The following KCNQ4 variants were observed in gnomAD, a reference collection of about 807,000 sequenced individuals.
The protein encoded by KCNQ4 is potassium voltage-gated channel subfamily Q member 4.
Under a neutral mutation model 72.6 loss-of-function variants are expected in KCNQ4, and 31 were observed. The observed-to-expected ratio is 0.43, with a 90% CI of 0.32 to 0.58. The LOEUF (loss-of-function observed/expected upper bound fraction) is 0.58, where lower values mean the gene tolerates loss of function less well. Ranked by LOEUF, KCNQ4 falls within the 20% of genes least tolerant of loss-of-function variation. KCNQ4 has a pLI of 0.08. For missense variants in KCNQ4, 869 were observed against 962.6 expected (o/e 0.90, Z 1.29); for synonymous variants, 405 against 403.7 (o/e 1.00, Z -0.04).
chr1:40,809,897 T>C (rs1209690943), intron 1 of KCNQ4, among the ~76,000 whole-genome samples: 3 of 152,024 alleles, frequency 2.0e-5, no homozygotes, highest in Admixed American at 6.6e-5. Context: ...AAACCCCGTC[T>C]CTACTAAAAA....
At chr1:40,835,150 G>A (rs780280016) in intron 12 of KCNQ4, 52 bp downstream of exon 12, 1 of 1,595,286 alleles carries the variant, frequency 6.3e-7, no homozygotes, top group South Asian at 1.1e-5. Context: ...AGCGACCCCA[G>A]CCCTGAATGA....
intron 7 of KCNQ4, among the ~76,000 whole-genome samples, chr1:40,821,695 C>T (rs1648298987): frequency 6.6e-6 from 1 of 152,186 alleles, no homozygotes; most frequent in Non-Finnish European, 1.5e-5. Context: ...TTGCAAAGCA[C>T]CCACATGTGC....
intron 12 of KCNQ4, among the ~76,000 whole-genome samples, chr1:40,835,604 C>T (rs138540245): frequency 2.0e-4 from 30 of 152,272 alleles, no homozygotes; most frequent in Non-Finnish European, 3.2e-4. Context: ...TTTAATCACT[C>T]GAGAAATAGT....
Position 40,784,173 on chromosome 1 carries a change from C to G in KCNQ4, c.80C>G (p.Thr27Arg), listed in dbSNP as rs1001249688. The change falls in exon 1 of 14, where the codon ACG (threonine) becomes AGG (arginine). Residue 27 changes from threonine to arginine, a missense_variant. Thr to Arg is a moderately conservative substitution (Grantham distance 71). This residue lies in a region of KCNQ4 where 178 missense variants were observed against 145.3 expected (regional missense o/e 1.22). Transcript: ENST00000347132. The surrounding 1 kb of genome is among the most constrained non-coding windows in gnomAD (Gnocchi z 4.1). ...CCCCGCGCGGAGCTAGTGGCGCTCA[C>G]GGCCGTGCAGAGCGAACAGGGCGAG... ...DAPRAELVAL[T>R]AVQSEQGEAG... 2.3e-5 allele frequency: 26 copies of G among 1,116,506 alleles called. No individual in the cohort carries two copies. The African/African-American group carries it at 3.7e-4, about 16-fold the overall frequency. 69.2% of individuals were successfully genotyped at this position (1,116,506 alleles called of 1,614,324 possible).
At chr1:40,832,234 G>C (rs762185599) in intron 10 of KCNQ4, among the ~76,000 whole-genome samples, 1 of 152,208 alleles carries the variant, frequency 6.6e-6, no homozygotes, top group Non-Finnish European at 1.5e-5. Context: ...AAGGATGGGG[G>C]ATGGGGACAG....
intron 8 of KCNQ4, 121 bp from the exon 9 acceptor site, chr1:40,823,976 T>A (rs1247591961): frequency 3.4e-6 from 4 of 1,159,698 alleles, no homozygotes. Context: ...GGCCGGGCTG[T>A]CAGTGAACAC....
At chr1:40,810,231 G>A (rs1245075533) in intron 1 of KCNQ4, among the ~76,000 whole-genome samples, 1 of 152,108 alleles carries the variant, frequency 6.6e-6, no homozygotes, top group East Asian at 1.9e-4. Context: ...TGCCTCGACG[G>A]CCACATTCCC....
intron 12 of KCNQ4, among the ~76,000 whole-genome samples, chr1:40,836,516 T>G (rs1648810298): frequency 6.6e-6 from 1 of 151,984 alleles, no homozygotes. Context: ...GTGTCGAAAG[T>G]GTAGAGGAAT....
intron 1 of KCNQ4, among the ~76,000 whole-genome samples, chr1:40,799,311 G>A (rs1647506178): frequency 6.6e-6 from 1 of 152,220 alleles, no homozygotes; most frequent in Non-Finnish European, 1.5e-5. Context: ...TAGGGCACAT[G>A]TTGGGGCAAA....
At chr1:40,801,600 G>C (rs866610566) in intron 1 of KCNQ4, among the ~76,000 whole-genome samples, 1 of 152,218 alleles carries the variant, frequency 6.6e-6, no homozygotes, top group Non-Finnish European at 1.5e-5. Context: ...CATTGAGGGG[G>C]GCGGGAGAAC....
chr1:40,826,671 G>C (rs1648487297), intron 9 of KCNQ4: 1 of 455,762 alleles, frequency 2.2e-6, no homozygotes, highest in African/African-American at 2.0e-5. Flanking sequence ...GTTTCTTTCG[G>C]ATCCACGCCA....
chr1:40,819,584 CCT>C, intron 5 of KCNQ4, 112 bp downstream of exon 5: 1 of 1,429,320 alleles, frequency 7.0e-7, no homozygotes, highest in Admixed American at 1.7e-5. Context: ...CTGCCCCTGC[CCT>C]CTCACTAGAG....
Position 40,818,767 on chromosome 1 carries a change from G to C in KCNQ4, c.708+87G>C, listed in dbSNP as rs1648182487. The C allele has an allele frequency of 4.8e-5, 69 of 1,427,066 alleles. No homozygotes were observed. The South Asian group carries it at 8.0e-4, about 16-fold the overall frequency. 88.4% of individuals were successfully genotyped at this position (1,427,066 alleles called of 1,614,324 possible). ...CAGGGCGGAGAGGGCGAGGTCAGAG[G>C]GGCTGTCTCCGTGCTGGGAAGGGGT... On this transcript the variant is annotated intron_variant, in intron 4 of 13. Transcript: ENST00000347132.
chr1:40,804,614 G>A (rs1412682139), intron 1 of KCNQ4, among the ~76,000 whole-genome samples: 3 of 151,072 alleles, frequency 2.0e-5, no homozygotes, highest in South Asian at 4.2e-4. Context: ...CCAGGAGTTC[G>A]AGACGAGCCC....
intron 12 of KCNQ4, among the ~76,000 whole-genome samples, chr1:40,836,924 A>G (rs536345390): frequency 3.9e-5 from 6 of 152,026 alleles, no homozygotes. Context: ...GAGGTAGAGG[A>G]TAGAGATAAC....
chr1:40,787,200 G>A (rs955354671), intron 1 of KCNQ4, among the ~76,000 whole-genome samples: 1 of 151,852 alleles, frequency 6.6e-6, no homozygotes, highest in Non-Finnish European at 1.5e-5. Flanking sequence ...TGAGACCCCT[G>A]ACTCTACAAA....
At chr1:40,838,232 G>T in intron 13 of KCNQ4, 79 bp from the exon 14 acceptor site, 1 of 1,233,688 alleles carries the variant, frequency 8.1e-7, no homozygotes, top group South Asian at 1.2e-5. Context: ...GCTAGGGTCC[G>T]CCCCGAGACC....
intron 1 of KCNQ4, among the ~76,000 whole-genome samples, chr1:40,805,354 G>A (rs1570813162): frequency 6.6e-6 from 1 of 152,216 alleles, no homozygotes; most frequent in Non-Finnish European, 1.5e-5. Context: ...CTCACTCAGA[G>A]TAAAAGCCAA....
chr1:40,824,262 G>A lies in KCNQ4; in HGVS notation c.1292+4G>A. Reference sequence around the variant, plus strand: ...CCTCCTTCTGCCCTGGGGAAAGGTAGGGGCCCCGTGGGGCTGCCACCTCCT... The same window carrying A: ...CCTCCTTCTGCCCTGGGGAAAGGTAAGGGCCCCGTGGGGCTGCCACCTCCT... On this transcript the variant is annotated splice_donor_region_variant and intron_variant, in intron 9 of 13. Coordinates refer to ENST00000347132, the MANE Select transcript of KCNQ4 (RefSeq NM_004700.4). 1 of 1,604,738 alleles carries A rather than the reference G, an allele frequency of 6.2e-7. No homozygotes were observed. The highest frequency in any genetic ancestry group is 8.5e-7 in the Non-Finnish European group (1 of 1,177,010).
Sources: gnomAD v4.1 joint callset for allele counts (sites outside exome capture counted in the v4.1 genomes callset) on GRCh38, gnomAD v4.1.1 for gene constraint, gnomAD v4.1.1 regional missense constraint, Gnocchi (gnomAD v3.1) non-coding constraint, MANE v1.5 for transcripts, NCBI Gene and HGNC (gene_info 2026-07-23, HGNC 2026-07-21) for gene names.